The following NRXN1 variants were observed in gnomAD, a reference collection of about 807,000 sequenced individuals.
NRXN1 encodes the protein neurexin-1.
In NRXN1, 39 loss-of-function variants were observed where a neutral mutation model predicts 150.9. The observed-to-expected ratio is 0.26, with a 90% CI of 0.20 to 0.34. The LOEUF is 0.34. NRXN1 is among the 10% of genes least tolerant of loss of function. The pLI is 1.00. For missense variants in NRXN1, 1,815 were observed against 1,949.9 expected (o/e 0.93, Z 1.30); for synonymous variants, 924 against 757.0 (o/e 1.22, Z -3.62).
At chr2:50,384,582 G>C (rs1174943607) in intron 17 of NRXN1, among the ~76,000 whole-genome samples, 2 of 148,858 alleles carry the variant, frequency 1.3e-5, no homozygotes, top group African/African-American at 4.9e-5. Context: ...TTCAGTTGCT[G>C]ATTGTCCCCT....
chr2:50,232,571 G>A (rs897004633), intron 18 of NRXN1, among the ~76,000 whole-genome samples: 1 of 151,630 alleles, frequency 6.6e-6, no homozygotes, highest in Non-Finnish European at 1.5e-5. Flanking sequence ...ATTTTTAGTA[G>A]AGATGGGGTT....
chr2:49,958,518 A>T (rs1184939671), intron 21 of NRXN1, among the ~76,000 whole-genome samples: 3 of 152,064 alleles, frequency 2.0e-5, no homozygotes, highest in Non-Finnish European at 4.4e-5. Flanking sequence ...CACCTCTGCA[A>T]TCCCCGCCTG....
At chr2:50,537,436 ATT>A (rs562889346) in intron 10 of NRXN1, among the ~76,000 whole-genome samples, 1 of 152,148 alleles carries the variant, frequency 6.6e-6, no homozygotes, top group Non-Finnish European at 1.5e-5. Flanking sequence ...TTGTTCTGCT[ATT>A]TATTCCTTTA....
rs529022926 is a variant in NRXN1 at position 50,712,766 on chromosome 2, G to C, written c.833-89151C>G. 2.0e-5 allele frequency among the ~76,000 whole-genome samples: 3 copies of C among 152,232 alleles called. No individual in the cohort carries two copies. The East Asian group carries it at 5.8e-4, about 29-fold the overall frequency. On this transcript the variant is annotated intron_variant, in intron 5 of 22. Coordinates refer to ENST00000401669, the MANE Select transcript of NRXN1 (RefSeq NM_001330078.2). The stretch of plus-strand genomic sequence containing the variant: ...GAGCTTGGCAGCTTTGTGTCCCTGT[G>C]TAACCTCATGACTGCAGCCTTCATC...
In NRXN1 at chr2:50,560,424, G is replaced by GTTTGTTTATTTATTTA. The variant is rs367680337; in HGVS notation, c.1321-7400_1321-7399insTAAATAAATAAACAAA. Among the ~76,000 whole-genome samples, 67 of 89,536 alleles carry GTTTGTTTATTTATTTA rather than the reference G, an allele frequency of 7.5e-4. 1 individual carries two copies. Among genetic ancestry groups the GTTTGTTTATTTATTTA allele is most frequent in the African/African-American group, 3.3e-3 (54 of 16,206 alleles). 58.7% of individuals were successfully genotyped at this position (89,536 alleles called of 152,430 possible). A position where few individuals can be genotyped will look rare whatever the true frequency, so the allele number is the denominator to read the frequency against. ...CCCTGTACAAAGTAGTCTGATGTAT[G>GTTTGTTTATTTATTTA]TTTATTTATTTATTTATTTATTTAT... On this transcript the variant is annotated intron_variant, in intron 8 of 22. Coordinates refer to ENST00000401669, the MANE Select transcript of NRXN1 (RefSeq NM_001330078.2).
intron 12 of NRXN1, among the ~76,000 whole-genome samples, chr2:50,524,882 A>C (rs1337449824): frequency 6.6e-6 from 1 of 152,210 alleles, no homozygotes; most frequent in Non-Finnish European, 1.5e-5. Flanking sequence ...AAAAAAATAC[A>C]TAGAAACACA....
intron 5 of NRXN1, among the ~76,000 whole-genome samples, chr2:50,837,753 A>C (rs911362299): frequency 6.6e-6 from 1 of 152,154 alleles, no homozygotes; most frequent in Non-Finnish European, 1.5e-5. Context: ...AAGAGACAAA[A>C]TGTTAACAGA....
At chr2:50,911,285 G>A (rs557371662) in intron 5 of NRXN1, among the ~76,000 whole-genome samples, 2 of 151,786 alleles carry the variant, frequency 1.3e-5, no homozygotes, top group Admixed American at 6.6e-5. Flanking sequence ...TTACAATCTC[G>A]TGTTCTTGTC....
At chr2:50,304,575 C>T (rs1304276757) in intron 17 of NRXN1, among the ~76,000 whole-genome samples, 1 of 152,168 alleles carries the variant, frequency 6.6e-6, no homozygotes, top group African/African-American at 2.4e-5. Flanking sequence ...AATATATAAA[C>T]ACAAATGTCC....
intron 5 of NRXN1, among the ~76,000 whole-genome samples, chr2:50,865,162 C>T (rs532105901): frequency 2.6e-5 from 4 of 151,784 alleles, no homozygotes; most frequent in African/African-American, 9.7e-5. Context: ...CTAGGGTCTA[C>T]AGACAGGTGA....
rs778295709 is a variant in NRXN1 at position 50,236,978 on chromosome 2, A to G, written c.3365-8T>C. 1 of 1,612,918 alleles carries G rather than the reference A, an allele frequency of 6.2e-7. No homozygotes were observed. Among genetic ancestry groups the G allele is most frequent in the South Asian group, 1.1e-5 (1 of 91,074 alleles). On this transcript the variant is annotated splice_polypyrimidine_tract_variant and splice_region_variant and intron_variant, in intron 17 of 22. Coordinates refer to ENST00000401669, the MANE Select transcript of NRXN1 (RefSeq NM_001330078.2). ...AGATATATGTCGTCCCAGCTGGAAA[A>G]CAAAAACCAAAACCAATTAGTCCAA...
chr2:50,045,918 TCA>T (rs1691731489), intron 21 of NRXN1, among the ~76,000 whole-genome samples: 2 of 152,190 alleles, frequency 1.3e-5, no homozygotes, highest in Admixed American at 1.3e-4. Context: ...CTAGTCTAAC[TCA>T]CAGCTGGAAG....
chr2:50,334,288 GTCAT>G (rs2077044200), intron 17 of NRXN1, among the ~76,000 whole-genome samples: 1 of 150,436 alleles, frequency 6.6e-6, no homozygotes, highest in South Asian at 2.1e-4. Context: ...TACATACAAA[GTCAT>G]TCATTCAATA....
intron 22 of NRXN1, among the ~76,000 whole-genome samples, chr2:49,929,774 C>G (rs149209110): frequency 3.9e-3 from 597 of 152,104 alleles, no homozygotes; most frequent in Non-Finnish European, 5.6e-3. Flanking sequence ...ATATAATGAG[C>G]TATAGTTAAC....
Position 50,649,259 on chromosome 2 carries a change from T to TACACACACAC in NRXN1, c.833-25654_833-25645dup, listed in dbSNP as rs10634117. Reference sequence around the variant, plus strand: ...AAGCATGTATACACACATACACACATACACACACACACACACACACACACA... The same window carrying TACACACACAC: ...AAGCATGTATACACACATACACACATACACACACACACACACACACACACACACACACACA... On this transcript the variant is annotated intron_variant, in intron 5 of 22. Transcript: ENST00000401669. Among the ~76,000 whole-genome samples the TACACACACAC allele has an allele frequency of 2.7e-3, 392 of 143,228 alleles. 2 individuals carry two copies. Among genetic ancestry groups the TACACACACAC allele is most frequent in the African/African-American group, 8.6e-3 (333 of 38,740 alleles). The allele number at this position is 143,228 out of a possible 152,430, so 94.0% of individuals were successfully genotyped here. A position where few individuals can be genotyped will look rare whatever the true frequency, so the allele number is the denominator to read the frequency against.
At chr2:50,935,032 G>T (rs555458332) in intron 2 of NRXN1, among the ~76,000 whole-genome samples, 2 of 152,240 alleles carry the variant, frequency 1.3e-5, no homozygotes, top group East Asian at 3.9e-4. Context: ...CATTCTCGCA[G>T]TATGCCCAAT....
intron 2 of NRXN1, among the ~76,000 whole-genome samples, chr2:50,997,527 A>G (rs1007777548): frequency 7.5e-6 from 1 of 132,878 alleles, no homozygotes; most frequent in Non-Finnish European, 1.5e-5. Flanking sequence ...TTTATTTTAT[A>G]GACAGGCTCT....
At chr2:50,463,449 C>T (rs980370417) in intron 17 of NRXN1, among the ~76,000 whole-genome samples, 1 of 151,708 alleles carries the variant, frequency 6.6e-6, no homozygotes, top group African/African-American at 2.4e-5. Context: ...AATCAAAATG[C>T]ATGTATTCTG....
At chr2:50,758,899 G>A (rs1701467961) in intron 5 of NRXN1, among the ~76,000 whole-genome samples, 1 of 151,898 alleles carries the variant, frequency 6.6e-6, no homozygotes, top group South Asian at 2.1e-4. Flanking sequence ...GCAATTTGGA[G>A]CAAATCAACT....
Sources: gnomAD v4.1 joint callset for allele counts (sites outside exome capture counted in the v4.1 genomes callset) on GRCh38, gnomAD v4.1.1 for gene constraint, MANE v1.5 for transcripts, NCBI Gene and HGNC (gene_info 2026-07-23, HGNC 2026-07-21) for gene names.